The following GRHL2 variants were observed in gnomAD, a reference collection of about 807,000 sequenced individuals.
GRHL2 encodes the protein grainyhead like transcription factor 2, also known as grainyhead-like protein 2 homolog.
GRHL2 carries 21 observed loss-of-function variants against 83.8 expected under a neutral mutation model. The ratio of observed to expected loss-of-function variants is 0.25; its 90% CI spans 0.18 to 0.36. GRHL2 has a LOEUF of 0.36. Among genes scored for constraint, GRHL2 ranks in the 10% least tolerant of loss-of-function variants. The pLI is 1.00. For missense variants in GRHL2, 623 were observed against 781.8 expected, an observed-to-expected ratio of 0.80 and a Z score of 2.42; for synonymous variants, 280 against 278.9, an observed-to-expected ratio of 1.00 and a Z score of -0.04.
chr8:101,612,252 A>T (rs1374307516), intron 8 of GRHL2, among the ~76,000 whole-genome samples: 1 of 151,000 alleles, frequency 6.6e-6, no homozygotes, highest in Non-Finnish European at 1.5e-5. Flanking sequence ...GGCCTCCCAA[A>T]GTGCTGGGAT....
chr8:101,585,901 G>A (rs1563593601), intron 7 of GRHL2, among the ~76,000 whole-genome samples: 1 of 151,816 alleles, frequency 6.6e-6, no homozygotes, highest in African/African-American at 2.4e-5. Context: ...CTAGTATCTC[G>A]GGAAAATCCC....
chr8:101,534,498 A>G (rs1191609525), intron 1 of GRHL2, among the ~76,000 whole-genome samples: 1 of 152,146 alleles, frequency 6.6e-6, no homozygotes, highest in Admixed American at 6.5e-5. Flanking sequence ...GTGGTAATAT[A>G]ATATCACTTC....
intron 13 of GRHL2, among the ~76,000 whole-genome samples, chr8:101,648,612 CA>C (rs1813560521): frequency 6.6e-6 from 1 of 152,170 alleles, no homozygotes; most frequent in East Asian, 1.9e-4. Context: ...AGGCCCACAG[CA>C]GGGGTTGCAC....
In GRHL2 at chr8:101,558,812, G is replaced by C; in HGVS notation, c.678G>C (p.Glu226Asp). The change falls in exon 4 of 16, where the codon GAG (glutamate) becomes GAC (aspartate). Residue 226 changes from glutamate to aspartate, a missense_variant and splice_region_variant. Transcript: ENST00000646743. ...AGAGCTTCAAGGACGCAGCCACAGAGGTGAGTCCCAGGCTCCATCGACGGC... is the reference window on the plus strand; with the variant it reads ...AGAGCTTCAAGGACGCAGCCACAGACGTGAGTCCCAGGCTCCATCGACGGC... ...YSESFKDAAT[E>D]KFRSASVGAE... The C allele has an allele frequency of 1.2e-6, 2 of 1,613,974 alleles. No individual in the cohort carries two copies. Among genetic ancestry groups the C allele is most frequent in the African/African-American group, 2.7e-5 (2 of 75,018 alleles).
rs564621387 is a variant in GRHL2, at chr8:101,628,361, C to T, written c.1258-3276C>T. On this transcript the variant is annotated intron_variant, in intron 9 of 15. Coordinates refer to ENST00000646743, the MANE Select transcript of GRHL2 (RefSeq NM_024915.4). ...CAAAACTACAAAGCCTGGATGACAG[C>T]TTATGTGTTTTTGGTGGGCTTCATT... Among the ~76,000 whole-genome samples, 3 of 152,066 alleles carry T rather than the reference C, an allele frequency of 2.0e-5. No individual in the cohort carries two copies. The South Asian group carries it at 6.2e-4, about 32-fold the overall frequency.
intron 14 of GRHL2, among the ~76,000 whole-genome samples, chr8:101,651,742 G>A (rs1813624822): frequency 6.6e-6 from 1 of 152,178 alleles, no homozygotes; most frequent in Non-Finnish European, 1.5e-5. Context: ...GAGGGGTGGG[G>A]ATGTATCCTT....
At chr8:101,577,378 A>G in intron 6 of GRHL2, 30 bp from the exon 7 acceptor site, 1 of 1,457,636 alleles carries the variant, frequency 6.9e-7, no homozygotes, top group Non-Finnish European at 9.6e-7. Flanking sequence ...ACTGAACAAA[A>G]AGTAAGCTCC....
intron 12 of GRHL2, among the ~76,000 whole-genome samples, chr8:101,643,750 G>T (rs1049910754): frequency 5.3e-5 from 8 of 152,262 alleles, no homozygotes; most frequent in Admixed American, 2.6e-4. Context: ...GGCCTCAGCT[G>T]GTTGGGAGGG....
At chr8:101,547,784 T>G (rs1350061154) in intron 2 of GRHL2, among the ~76,000 whole-genome samples, 1 of 152,170 alleles carries the variant, frequency 6.6e-6, no homozygotes, top group Non-Finnish European at 1.5e-5. Context: ...ACTCATAAAG[T>G]GGTGTTTATT....
downstream of GRHL2, among the ~76,000 whole-genome samples, chr8:101,671,419 C>A (rs891899709): frequency 6.6e-6 from 1 of 152,172 alleles, no homozygotes; most frequent in East Asian, 1.9e-4. Flanking sequence ...ATTGCTAGCA[C>A]AGCAGTCTGA....
intron 8 of GRHL2, among the ~76,000 whole-genome samples, chr8:101,610,289 C>G (rs2130344592): frequency 6.6e-6 from 1 of 151,118 alleles, no homozygotes; most frequent in South Asian, 2.1e-4. Flanking sequence ...CATAACTAAT[C>G]TACCTTTGGA....
chr8:101,649,071 A>G (rs996077714), intron 13 of GRHL2, among the ~76,000 whole-genome samples: 2 of 152,216 alleles, frequency 1.3e-5, no homozygotes, highest in Admixed American at 1.3e-4. Context: ...GGCATTCAGT[A>G]ATATTTGTCA....
chr8:101,591,929 A>G (rs1008484964), intron 7 of GRHL2, among the ~76,000 whole-genome samples: 1 of 152,058 alleles, frequency 6.6e-6, no homozygotes, highest in East Asian at 1.9e-4. Context: ...GACATCCTGG[A>G]GCAGGTGGTG....
chr8:101,676,409 C>T, the GRHL2 span, among the ~76,000 whole-genome samples: 1 of 151,790 alleles, frequency 6.6e-6, no homozygotes, highest in African/African-American at 2.4e-5. Flanking sequence ...AGGATATGAA[C>T]AGACACTTCT....
intron 13 of GRHL2, among the ~76,000 whole-genome samples, chr8:101,644,475 C>G (rs575376937): frequency 6.6e-6 from 1 of 152,346 alleles, no homozygotes; most frequent in East Asian, 1.9e-4. Context: ...TAAACAGACT[C>G]ATCCAGCAGC....
In GRHL2 at chr8:101,650,773, C is replaced by T. The variant is rs998168647; in HGVS notation, c.1698+1274C>T. Among the ~76,000 whole-genome samples the T allele has an allele frequency of 3.3e-5, 5 of 151,404 alleles. No individual in the cohort carries two copies. The East Asian group carries it at 5.8e-4, about 18-fold the overall frequency. On this transcript the variant is annotated intron_variant, in intron 14 of 15. Coordinates refer to ENST00000646743, the MANE Select transcript of GRHL2 (RefSeq NM_024915.4). The stretch of plus-strand genomic sequence containing the variant: ...ATCTACTAAACAGCACTGAATTATA[C>T]ACTTTAAGATGGTTAAAATGGTGAA...
chr8:101,591,829 G>A (rs1812289448), intron 7 of GRHL2, among the ~76,000 whole-genome samples: 1 of 152,140 alleles, frequency 6.6e-6, no homozygotes, highest in Non-Finnish European at 1.5e-5. Context: ...TTATCCTAAG[G>A]GCATTTGCAT....
At chr8:101,544,155 C>T (rs201769787) in intron 2 of GRHL2, 2 of 152,280 alleles carry the variant, frequency 1.3e-5, no homozygotes, top group East Asian at 3.9e-4. Context: ...AGTGGCTGTA[C>T]CATAATTTAG....
chr8:101,589,711 G>T (rs919508397), intron 7 of GRHL2, among the ~76,000 whole-genome samples: 1 of 152,020 alleles, frequency 6.6e-6, no homozygotes, highest in Non-Finnish European at 1.5e-5. Context: ...TATCTGTGAG[G>T]GTATTATACT....
Sources: allele counts gnomAD v4.1 joint callset (sites outside exome capture counted in the v4.1 genomes callset), GRCh38; gene constraint gnomAD v4.1.1; transcripts MANE v1.5; gene names NCBI Gene and HGNC (gene_info 2026-07-23, HGNC 2026-07-21).